Variants in TG observed in about 807,000 individuals in gnomAD.
The protein encoded by TG is thyroid hormones.
Under a neutral mutation model 324.7 loss-of-function variants are expected in TG, and 270 were observed. That is an observed-to-expected ratio of 0.83 (90% CI 0.75 to 0.92). TG has a LOEUF of 0.92. Among genes scored for constraint, TG ranks in the 40% least tolerant of loss-of-function variants. The pLI is 0.00. For missense variants in TG, 3,591 were observed against 3,456.4 expected (o/e 1.04, Z -0.98); for synonymous variants, 1,401 against 1,327.0 (o/e 1.06, Z -1.21).
At chr8:133,030,539 T>C (rs1587808647) in intron 41 of TG, among the ~76,000 whole-genome samples, 1 of 152,274 alleles carries the variant, frequency 6.6e-6, no homozygotes, top group Non-Finnish European at 1.5e-5. Context: ...TGGTATTTAC[T>C]GATCTGTCAT....
chr8:132,933,497 G>A, intron 23 of TG, 64 bp from the exon 24 acceptor site: 1 of 1,345,488 alleles, frequency 7.4e-7, no homozygotes, highest in African/African-American at 1.4e-5. Flanking sequence ...AGGGGGATGT[G>A]TCTGCTCTGC....
At position 133,036,543 on chromosome 8, in the gene TG, A is replaced by T. The variant is rs570012866; in HGVS notation, c.7239+6520A>T. ...TCAAGTTTCGTAAGACACCCCCCAG[A>T]GTCATACAATCTGCTTTTTCTTAAG... On this transcript the variant is annotated intron_variant, in intron 41 of 47. Coordinates refer to ENST00000220616, the MANE Select transcript of TG (RefSeq NM_003235.5). Among the ~76,000 whole-genome samples the T allele has an allele frequency of 6.6e-5, 10 of 152,256 alleles. No individual in the cohort carries two copies. The South Asian group carries it at 2.1e-3, about 32-fold the overall frequency.
intron 41 of TG, among the ~76,000 whole-genome samples, chr8:133,091,995 G>C (rs572537184): frequency 3.3e-5 from 5 of 152,152 alleles, no homozygotes; most frequent in Non-Finnish European, 7.4e-5. Context: ...GTCAGTGTCT[G>C]TGTGTGTCCT....
intron 39 of TG, among the ~76,000 whole-genome samples, chr8:133,019,913 C>G (rs141152842): frequency 6.6e-6 from 1 of 152,156 alleles, no homozygotes; most frequent in Non-Finnish European, 1.5e-5. Context: ...TGACCATGGG[C>G]GTGTGCTTTT....
At chr8:133,093,151 T>TTC (rs1158635793) in intron 41 of TG, among the ~76,000 whole-genome samples, 6 of 151,638 alleles carry the variant, frequency 4.0e-5, no homozygotes, top group Non-Finnish European at 7.4e-5. Context: ...TTTTTTTTTT[T>TTC]AATTTAAAGT....
chr8:133,125,575 A>C lies in TG; in HGVS notation c.7863-6237A>C, dbSNP rs1851455469. Among the ~76,000 whole-genome samples, 5 of 152,216 alleles carry C rather than the reference A, an allele frequency of 3.3e-5. No individual in the cohort carries two copies. In the South Asian group the frequency reaches 8.3e-4, roughly 25 times the overall value. On this transcript the variant is annotated intron_variant, in intron 45 of 47. Transcript: ENST00000220616. Reference sequence around the variant, plus strand: ...TGGAGATCAGCAGGTCTTTGGAAGAAAGCAACCACAACTGAAATGGTTTCT... The same window carrying C: ...TGGAGATCAGCAGGTCTTTGGAAGACAGCAACCACAACTGAAATGGTTTCT...
chr8:132,904,337 C>G (rs1231200251), intron 16 of TG, among the ~76,000 whole-genome samples: 2 of 152,252 alleles, frequency 1.3e-5, no homozygotes, highest in African/African-American at 4.8e-5. Context: ...AGGCGAGCCA[C>G]TTAGCTCCCT....
At chr8:133,103,925 A>G (rs1849561214) in intron 43 of TG, among the ~76,000 whole-genome samples, 1 of 152,224 alleles carries the variant, frequency 6.6e-6, no homozygotes, top group African/African-American at 2.4e-5. Flanking sequence ...GTAAATAAAG[A>G]ATTTCAGATC....
chr8:133,133,645 C>T lies in TG; in HGVS notation c.8173C>T (p.Leu2725=). Residue 2725 remains leucine (L), a synonymous_variant, in exon 47 of 48, where the codon CTG becomes TTG. Coordinates refer to ENST00000220616, the MANE Select transcript of TG (RefSeq NM_003235.5). ...CTTCTGGTCCAAGTACATCTCGTCT[C>T]TGAAGACATCTGCAGGTAGCAAAGC... is the stretch of plus-strand genomic sequence containing the variant. ...CSFWSKYISS[L]KTSADGAKGG... 1 of 1,613,936 alleles carries T rather than the reference C, an allele frequency of 6.2e-7. No individual in the cohort carries two copies. The highest frequency in any genetic ancestry group is 8.5e-7 in the Non-Finnish European group (1 of 1,179,920).
At chr8:133,129,293 T>A (rs773681617) in intron 45 of TG, among the ~76,000 whole-genome samples, 11 of 152,224 alleles carry the variant, frequency 7.2e-5, no homozygotes, top group Non-Finnish European at 1.6e-4. Context: ...CCCAAAGCAG[T>A]GCTCTGTGGC....
In TG at chr8:132,869,782, G is replaced by A. The variant is rs1461934982; in HGVS notation, c.230G>A (p.Gly77Asp). The A allele has an allele frequency of 6.2e-7, 1 of 1,614,046 alleles. No homozygotes were observed. The highest frequency in any genetic ancestry group is 2.2e-5 in the East Asian group (1 of 44,878). ...GRSCWCVGAN[G>D]SEVLGSRQPG... is the part of the protein sequence containing the mutation. ...TCCTGCTGGTGTGTGGGTGCCAACG[G>A]CAGTGAAGTGCTGGGCAGCAGGCAG... Residue 77 changes from glycine to aspartate, a missense_variant, in exon 3 of 48, where the codon GGC becomes GAC. Physicochemically the swap from Gly to Asp is moderately conservative, Grantham distance 94 (BLOSUM62 -1). Coordinates refer to ENST00000220616, the MANE Select transcript of TG (RefSeq NM_003235.5).
chr8:132,985,797 A>G (rs1488922996), intron 35 of TG, among the ~76,000 whole-genome samples: 1 of 152,114 alleles, frequency 6.6e-6, no homozygotes, highest in Non-Finnish European at 1.5e-5. Context: ...CTGCCAAGTC[A>G]GTTAACATGC....
At chr8:133,103,485 C>T (rs1849515582) in intron 43 of TG, among the ~76,000 whole-genome samples, 1 of 152,192 alleles carries the variant, frequency 6.6e-6, no homozygotes, top group African/African-American at 2.4e-5. Context: ...AGCTGAGGAT[C>T]AGAAGGACTG....
rs1271807971 is a variant in TG at position 132,887,045 on chromosome 8, T to C, written c.1673T>C (p.Leu558Pro). 1.2e-6 allele frequency: 2 copies of C among 1,614,094 alleles called. No individual in the cohort carries two copies. The highest frequency in any genetic ancestry group is 1.3e-5 in the African/African-American group (1 of 74,934). ...TVGSFGFEIN[L>P]QENQNALKFL... ...GGCAGCTTTGGCTTTGAAATTAACC[T>C]ACAAGAGAACCAAAATGCCCTCAAA... is the stretch of plus-strand genomic sequence containing the variant. The change falls in exon 9 of 48, where the codon CTA becomes CCA. Residue 558 changes from leucine (L) to proline (P), a missense_variant. Physicochemically the swap from Leu to Pro is moderately conservative, Grantham distance 98 (BLOSUM62 -3). Coordinates refer to ENST00000220616, the MANE Select transcript of TG (RefSeq NM_003235.5).
chr8:133,071,078 C>G (rs529397711), intron 41 of TG, among the ~76,000 whole-genome samples: 1 of 152,320 alleles, frequency 6.6e-6, no homozygotes, highest in African/African-American at 2.4e-5. Flanking sequence ...AGTGAGGGAG[C>G]CAGCTGGAGG....
intron 40 of TG, among the ~76,000 whole-genome samples, chr8:133,027,819 G>A (rs1279920580): frequency 6.6e-6 from 1 of 152,244 alleles, no homozygotes; most frequent in Non-Finnish European, 1.5e-5. Context: ...ATGTAAACAA[G>A]CTCATTCCCT....
rs79607903 is a variant in TG, at chr8:132,867,151, C to T, written c.67+84C>T. ...TCTGCCCTGGGCCTTCGAACAGGTG[C>T]GATCTAATTTAATCTTCACAAATTC... On this transcript the variant is annotated intron_variant, in intron 1 of 47. Coordinates refer to ENST00000220616, the MANE Select transcript of TG (RefSeq NM_003235.5). The T allele has an allele frequency of 6.9e-3, 8,449 of 1,217,528 alleles. 212 individuals carry two copies. The East Asian group carries it at 0.079, about 11-fold the overall frequency. The allele number at this position is 1,217,528 out of a possible 1,614,324, so 75.4% of individuals were successfully genotyped here.
intron 20 of TG, among the ~76,000 whole-genome samples, chr8:132,914,980 A>G (rs1045152644): frequency 1.3e-5 from 2 of 151,838 alleles, no homozygotes; most frequent in African/African-American, 4.8e-5. Flanking sequence ...GTGTGTGTGT[A>G]TGTGTATTAG....
In TG at chr8:133,116,645, C is replaced by T; in HGVS notation, c.7791C>T (p.Ala2597=). 1 of 1,614,244 alleles carries T rather than the reference C, an allele frequency of 6.2e-7. No individual in the cohort carries two copies. Among genetic ancestry groups the T allele is most frequent in the Non-Finnish European group, 8.5e-7 (1 of 1,180,040 alleles). The change falls in exon 45 of 48, where the codon GCC becomes GCT. Residue 2597 remains alanine (A), a synonymous_variant. Transcript: ENST00000220616. The stretch of plus-strand genomic sequence containing the variant: ...TCATCTGCCCTATAATCGACATGGC[C>T]AGTGCCTGGGCAAAGAGGGCCCGAG... The part of the protein sequence containing the change: ...YFIICPIIDM[A]SAWAKRARGN...
Sources: allele counts gnomAD v4.1 joint callset (sites outside exome capture counted in the v4.1 genomes callset), GRCh38; gene constraint gnomAD v4.1.1; transcripts MANE v1.5; gene names NCBI Gene and HGNC (gene_info 2026-07-23, HGNC 2026-07-21).